PLCL2: variants seen among roughly 807,000 people sequenced by gnomAD.
The protein encoded by PLCL2 is phospholipase C like 2, also known as inactive phospholipase C-like protein 2.
In PLCL2, 4 loss-of-function variants were observed where a neutral mutation model predicts 79.6. The ratio of observed to expected loss-of-function variants is 0.05; its 90% CI spans 0.02 to 0.11. The LOEUF is 0.11. PLCL2 is among the 10% of genes least tolerant of loss of function. The probability of loss-of-function intolerance (pLI) is 1.00; values close to 1 mark genes in which losing one functional copy is unlikely to be tolerated. For missense variants in PLCL2, 895 were observed against 1,291.0 expected, an observed-to-expected ratio of 0.69 and a Z score of 4.70; for synonymous variants, 484 against 457.7, an observed-to-expected ratio of 1.06 and a Z score of -0.73.
chr3:17,056,346 G>A (rs1453382032), intron 4 of PLCL2, among the ~76,000 whole-genome samples: 1 of 151,978 alleles, frequency 6.6e-6, no homozygotes, highest in Admixed American at 6.6e-5. Flanking sequence ...TGTATATTAG[G>A]TATCCTTAGG....
At chr3:16,973,060 G>A (rs538027607) in intron 1 of PLCL2, among the ~76,000 whole-genome samples, 16 of 152,224 alleles carry the variant, frequency 1.1e-4, no homozygotes, top group African/African-American at 9.6e-5. Context: ...ACTCGGTTGC[G>A]TGATTGCTTT....
At chr3:17,031,844 A>G (rs2124910150) in intron 3 of PLCL2, among the ~76,000 whole-genome samples, 1 of 151,566 alleles carries the variant, frequency 6.6e-6, no homozygotes, top group South Asian at 2.1e-4. Flanking sequence ...AGAAATTATT[A>G]TATAGCTTTT....
chr3:17,013,156 A>G lies in PLCL2; in HGVS notation c.2814+996A>G, dbSNP rs191295561. On this transcript the variant is annotated intron_variant, in intron 2 of 5. Coordinates refer to ENST00000615277, the MANE Select transcript of PLCL2 (RefSeq NM_001144382.2). ...TTTGAGGGTGAAAGTGGTTTGGTAA[A>G]CCCTCAGCTCTGAGCAAGCGCATTG... Among the ~76,000 whole-genome samples the G allele has an allele frequency of 2.1e-3, 312 of 152,052 alleles. 1 individual carries two copies. Among genetic ancestry groups the G allele is most frequent in the African/African-American group, 5.8e-3 (241 of 41,384 alleles).
chr3:16,913,722 A>G (rs1249003135), intron 1 of PLCL2, among the ~76,000 whole-genome samples: 1 of 152,172 alleles, frequency 6.6e-6, no homozygotes, highest in African/African-American at 2.4e-5. Flanking sequence ...TGTAAAAAAT[A>G]GCTGTCATGT....
intron 1 of PLCL2, among the ~76,000 whole-genome samples, chr3:16,989,548 T>A (rs865776710): frequency 1.3e-5 from 2 of 152,308 alleles, no homozygotes; most frequent in Middle Eastern, 3.4e-3. Flanking sequence ...ATATTTTGAG[T>A]TAAATAAAAT....
intron 1 of PLCL2, among the ~76,000 whole-genome samples, chr3:16,957,941 T>C (rs145520658): frequency 0.016 from 2,459 of 152,318 alleles, 25 homozygotes; most frequent in Non-Finnish European, 0.023. Flanking sequence ...TGAGATGGGT[T>C]TCCTGAATAC....
chr3:17,024,551 A>G (rs2064493460), intron 3 of PLCL2, among the ~76,000 whole-genome samples: 1 of 152,214 alleles, frequency 6.6e-6, no homozygotes, highest in African/African-American at 2.4e-5. Context: ...TTGTCTCTAC[A>G]TTCAGTTTTG....
intron 1 of PLCL2, among the ~76,000 whole-genome samples, chr3:16,896,981 C>A (rs1414444148): frequency 6.6e-6 from 1 of 152,060 alleles, no homozygotes; most frequent in Non-Finnish European, 1.5e-5. Context: ...AGCTGTGAAA[C>A]CTTTCTTATA....
chr3:17,030,037 T>C (rs2064564149), intron 3 of PLCL2, among the ~76,000 whole-genome samples: 1 of 152,166 alleles, frequency 6.6e-6, no homozygotes, highest in African/African-American at 2.4e-5. Context: ...GATGAGCCCC[T>C]GCTAATGAGC....
At chr3:17,024,728 A>C (rs2064496081) in intron 3 of PLCL2, among the ~76,000 whole-genome samples, 1 of 152,204 alleles carries the variant, frequency 6.6e-6, no homozygotes, top group South Asian at 2.1e-4. Flanking sequence ...GACCTAGAAC[A>C]TGTGACTCAT....
chr3:16,944,504 A>T (rs980522818), intron 1 of PLCL2, among the ~76,000 whole-genome samples: 1 of 152,170 alleles, frequency 6.6e-6, no homozygotes, highest in African/African-American at 2.4e-5. Context: ...GAGGTAATTA[A>T]CATTAAATGA....
intron 3 of PLCL2, among the ~76,000 whole-genome samples, chr3:17,041,398 G>T (rs146642637): frequency 2.0e-5 from 3 of 152,106 alleles, no homozygotes; most frequent in African/African-American, 7.2e-5. Context: ...TTATGAAGGC[G>T]TAAATAAATG....
chr3:16,932,039 C>G (rs1697412941), intron 1 of PLCL2, among the ~76,000 whole-genome samples: 1 of 152,146 alleles, frequency 6.6e-6, no homozygotes, highest in East Asian at 1.9e-4. Context: ...GGAGAGGGCC[C>G]TCACCAGAAC....
intron 1 of PLCL2, among the ~76,000 whole-genome samples, chr3:16,912,782 A>G (rs1408750132): frequency 6.6e-6 from 1 of 152,226 alleles, no homozygotes; most frequent in East Asian, 1.9e-4. Flanking sequence ...TGTTAGATCT[A>G]TAAATAATGC....
intron 5 of PLCL2, among the ~76,000 whole-genome samples, chr3:17,072,918 C>T (rs936979891): frequency 2.0e-5 from 3 of 152,106 alleles, no homozygotes; most frequent in African/African-American, 7.2e-5. Flanking sequence ...CTTTGCCAGG[C>T]TTCTTAAGAT....
intron 3 of PLCL2, among the ~76,000 whole-genome samples, chr3:17,020,285 C>G (rs1263088255): frequency 1.3e-5 from 2 of 152,072 alleles, no homozygotes; most frequent in African/African-American, 4.8e-5. Context: ...AAGTTCTTTT[C>G]TAAAGTTTTT....
intron 1 of PLCL2, among the ~76,000 whole-genome samples, chr3:16,956,962 C>G (rs2063711539): frequency 1.3e-5 from 2 of 151,530 alleles, no homozygotes; most frequent in Admixed American, 1.3e-4. Flanking sequence ...CAATTTTGTC[C>G]ATCTTTTCAA....
Position 17,036,667 on chromosome 3 carries a change from A to G in PLCL2, c.3019-6207A>G, listed in dbSNP as rs13316368. On this transcript the variant is annotated intron_variant, in intron 3 of 5. Coordinates refer to ENST00000615277, the MANE Select transcript of PLCL2 (RefSeq NM_001144382.2). ...GCATTAGTGAACTAACTGGCTTTGC[A>G]GGGCCAAACAGCACAAGGCTGACCA... 5.9e-3 allele frequency among the ~76,000 whole-genome samples: 897 copies of G among 152,348 alleles called. 6 individuals carry two copies. Among genetic ancestry groups the G allele is most frequent in the African/African-American group, 0.02 (847 of 41,594 alleles).
At chr3:16,949,970 T>G (rs1164885982) in intron 1 of PLCL2, among the ~76,000 whole-genome samples, 2 of 152,240 alleles carry the variant, frequency 1.3e-5, no homozygotes, top group Non-Finnish European at 2.9e-5. Flanking sequence ...TTCATTGGAC[T>G]GTCTCTGGAA....
Sources: gnomAD v4.1 joint callset for allele counts (sites outside exome capture counted in the v4.1 genomes callset) on GRCh38, gnomAD v4.1.1 for gene constraint, MANE v1.5 for transcripts, NCBI Gene and HGNC (gene_info 2026-07-23, HGNC 2026-07-21) for gene names.